Variants in ZNF622 observed in about 807,000 individuals in gnomAD.
ZNF622 encodes zinc finger protein 622.
Under a neutral mutation model 49.7 loss-of-function variants are expected in ZNF622, and 34 were observed. The observed-to-expected ratio is 0.68, with a 90% confidence interval of 0.52 to 0.91. ZNF622 has a LOEUF of 0.91. Among genes scored for constraint, ZNF622 ranks in the 40% least tolerant of loss-of-function variants. The probability of loss-of-function intolerance (pLI) is 0.00; values close to 1 mark genes in which losing one functional copy is unlikely to be tolerated. For synonymous variants in ZNF622, 209 were observed against 228.7 expected, an observed-to-expected ratio of 0.91 and a Z score of 0.78; for missense variants, 569 against 616.4, an observed-to-expected ratio of 0.92 and a Z score of 0.81.
At chr5:16,456,506 C>T (rs1232268390) in intron 4 of ZNF622, among the ~76,000 whole-genome samples, 2 of 152,176 alleles carry the variant, frequency 1.3e-5, no homozygotes, top group African/African-American at 4.8e-5. Flanking sequence ...AGTGTCCCAG[C>T]AGCAGGGGAG....
Position 16,463,469 on chromosome 5 carries a change from C to T in ZNF622, c.886+13G>A. The T allele has an allele frequency of 6.2e-7, 1 of 1,606,008 alleles. No individual in the cohort carries two copies. Reference sequence around the variant, plus strand: ...GATTATTTCCTCATTAAAAGGAAAACTATTGTACTTACCCAAGTATTTAAT... The same window carrying T: ...GATTATTTCCTCATTAAAAGGAAAATTATTGTACTTACCCAAGTATTTAAT... On this transcript the variant is annotated intron_variant, in intron 2 of 5. Coordinates refer to ENST00000308683, the MANE Select transcript of ZNF622 (RefSeq NM_033414.3). This position sits in a 1 kb window ranked among gnomAD's most constrained non-coding sequence, Gnocchi z 4.2.
chr5:16,455,996 T>A (rs1378254148), intron 4 of ZNF622, among the ~76,000 whole-genome samples: 1 of 152,210 alleles, frequency 6.6e-6, no homozygotes, highest in African/African-American at 2.4e-5. Context: ...GACTGCCCAA[T>A]AAATAAGGGA....
Position 16,465,541 on chromosome 5 carries a change from A to T in ZNF622, c.125T>A (p.Val42Glu). 1 of 1,613,922 alleles carries T rather than the reference A, an allele frequency of 6.2e-7. No individual in the cohort carries two copies. The highest frequency in any genetic ancestry group is 8.5e-7 in the Non-Finnish European group (1 of 1,179,944). Residue 42 changes from valine to glutamate, a missense_variant, in exon 1 of 6, where the codon GTG becomes GAG. Physicochemically the swap from Val to Glu is moderately radical, Grantham distance 121. Coordinates refer to ENST00000308683, the MANE Select transcript of ZNF622 (RefSeq NM_033414.3). The surrounding 1 kb of genome is among the most constrained non-coding windows in gnomAD (Gnocchi z 6.2). ...LRRKVASMAP[V>E]TAEGFQERVR... is the part of the protein sequence containing the mutation. ...TCGCTCCTGGAAGCCCTCGGCGGTC[A>T]CTGGGGCCATGCTGGCCACCTTCCG...
rs192429418 is a variant in ZNF622 at position 16,455,119 on chromosome 5, C to A, written c.1163-1963G>T. On this transcript the variant is annotated intron_variant, in intron 4 of 5. Transcript: ENST00000308683. Reference sequence around the variant, plus strand: ...TTAACAACAGCATATACATAAGGCACGAAAAAGCCATTTCCACTGAAAATG... The same window carrying A: ...TTAACAACAGCATATACATAAGGCAAGAAAAAGCCATTTCCACTGAAAATG... 4.9e-3 allele frequency among the ~76,000 whole-genome samples: 740 copies of A among 152,218 alleles called. 9 individuals carry two copies. The highest frequency in any genetic ancestry group is 0.017 in the African/African-American group (707 of 41,522).
At chr5:16,460,828 C>T (rs39931) in intron 3 of ZNF622, among the ~76,000 whole-genome samples, 121,564 of 152,198 alleles carry the variant, frequency 0.8, 48,824 homozygotes, top group African/African-American at 0.9. Context: ...AATACATCAT[C>T]TGGACTAAGG....
At position 16,465,007 on chromosome 5, in the gene ZNF622, C is replaced by T; in HGVS notation, c.625+34G>A. 1 of 1,533,940 alleles carries T rather than the reference C, an allele frequency of 6.5e-7. No homozygotes were observed. Among genetic ancestry groups the T allele is most frequent in the Non-Finnish European group, 8.8e-7 (1 of 1,142,376 alleles). ...GGAAACTTAAGGGTGGGCCAAGTTCCTCTTTACCCTCCCCGCCCAGACAGG... is the reference window on the plus strand; with the variant it reads ...GGAAACTTAAGGGTGGGCCAAGTTCTTCTTTACCCTCCCCGCCCAGACAGG... On this transcript the variant is annotated intron_variant, in intron 1 of 5. Coordinates refer to ENST00000308683, the MANE Select transcript of ZNF622 (RefSeq NM_033414.3). The surrounding 1 kb of genome is among the most constrained non-coding windows in gnomAD (Gnocchi z 6.2).
intron 3 of ZNF622, among the ~76,000 whole-genome samples, chr5:16,462,694 G>C (rs768640365): frequency 1.4e-4 from 22 of 152,070 alleles, no homozygotes; most frequent in Non-Finnish European, 3.2e-4. Flanking sequence ...CCACCAATGG[G>C]GTAATCTCAC....
intron 3 of ZNF622, among the ~76,000 whole-genome samples, chr5:16,461,873 G>C (rs1292578339): frequency 6.6e-6 from 1 of 152,170 alleles, no homozygotes; most frequent in Non-Finnish European, 1.5e-5. Context: ...AGACTGGGTA[G>C]GATTCTGAAT....
At position 16,465,228 on chromosome 5, in the gene ZNF622, C is replaced by A. The variant is rs80022733; in HGVS notation, c.438G>T (p.Lys146Asn). Residue 146 changes from lysine to asparagine, a missense_variant, in exon 1 of 6, where the codon AAG becomes AAT. Physicochemically the swap from Lys to Asn is moderately conservative, Grantham distance 94. Transcript: ENST00000308683. The surrounding 1 kb of genome is among the most constrained non-coding windows in gnomAD (Gnocchi z 6.2). ...CCTCCTTTGCAGGCGCTGGGGGCGC[C>A]TTCTTGGGAGACATGGACGGCTGGG... The part of the protein sequence containing the change: ...IKAQPSMSPK[K>N]APPAPAKEAR... 1.2e-6 allele frequency: 2 copies of A among 1,614,208 alleles called. No homozygotes were observed. The highest frequency in any genetic ancestry group is 2.7e-5 in the African/African-American group (2 of 75,048).
chr5:16,455,537 A>G (rs1738012108), intron 4 of ZNF622, among the ~76,000 whole-genome samples: 2 of 152,220 alleles, frequency 1.3e-5, no homozygotes, highest in African/African-American at 2.4e-5. Flanking sequence ...TTTTGACAGC[A>G]TAAGAGTTAA....
intron 4 of ZNF622, among the ~76,000 whole-genome samples, chr5:16,453,900 T>G (rs951679968): frequency 3.3e-4 from 50 of 152,164 alleles, no homozygotes; most frequent in African/African-American, 1.1e-3. Flanking sequence ...ATGTCAATAG[T>G]GCCAAGGCTG....
intron 4 of ZNF622, among the ~76,000 whole-genome samples, chr5:16,453,559 T>TTATATATATATATATATA (rs58965299): frequency 1.5e-5 from 1 of 67,172 alleles, no homozygotes; most frequent in African/African-American, 4.3e-5. Flanking sequence ...TAAATAAAAA[T>TTATATATATATATATATA]TATATATATA....
chr5:16,463,864 G>A lies in ZNF622; in HGVS notation c.626-122C>T. 2.0e-6 allele frequency: 2 copies of A among 1,003,502 alleles called. No homozygotes were observed. The highest frequency in any genetic ancestry group is 1.6e-5 in the South Asian group (1 of 63,344). The allele number at this position is 1,003,502 out of a possible 1,614,324, so 62.2% of individuals were successfully genotyped here. On this transcript the variant is annotated intron_variant, in intron 1 of 5. Coordinates refer to ENST00000308683, the MANE Select transcript of ZNF622 (RefSeq NM_033414.3). This position sits in a 1 kb window ranked among gnomAD's most constrained non-coding sequence, Gnocchi z 4.2. ...GAAACAGCCACACCCCAACTCCCAA[G>A]GACAACTCCTCTTTCAAGATCTCAA...
chr5:16,461,315 G>A (rs1336686581), intron 3 of ZNF622, among the ~76,000 whole-genome samples: 1 of 152,250 alleles, frequency 6.6e-6, no homozygotes, highest in African/African-American at 2.4e-5. Flanking sequence ...TTTACTTTGA[G>A]TAAGATAGGT....
At chr5:16,457,601 G>GAT (rs1194847166) in intron 4 of ZNF622, among the ~76,000 whole-genome samples, 1 of 152,186 alleles carries the variant, frequency 6.6e-6, no homozygotes, top group Non-Finnish European at 1.5e-5. Context: ...CTGAGCTAAA[G>GAT]ATAGTCATCT....
In ZNF622 at chr5:16,465,037, T is replaced by G; in HGVS notation, c.625+4A>C. 1 of 1,571,526 alleles carries G rather than the reference T, an allele frequency of 6.4e-7. No individual in the cohort carries two copies. Among genetic ancestry groups the G allele is most frequent in the Non-Finnish European group, 8.6e-7 (1 of 1,159,216 alleles). ...TACCCTCCCCGCCCAGACAGGGCCA[T>G]CACCGTCTCCATCCAGGTCCTCTTC... On this transcript the variant is annotated splice_donor_region_variant and intron_variant, in intron 1 of 5. Coordinates refer to ENST00000308683, the MANE Select transcript of ZNF622 (RefSeq NM_033414.3). This position sits in a 1 kb window ranked among gnomAD's most constrained non-coding sequence, Gnocchi z 6.2.
At position 16,465,714 on chromosome 5, in the gene ZNF622, C is replaced by T. The variant is rs764661965; in HGVS notation, c.-49G>A. ...ACCAAGCCAAACACCTGGTGATCAG[C>T]GCCGTGGCCCCACAAGACCCTCAGA... On this transcript the variant is annotated 5_prime_UTR_variant, in exon 1 of 6. Coordinates refer to ENST00000308683, the MANE Select transcript of ZNF622 (RefSeq NM_033414.3). This position sits in a 1 kb window ranked among gnomAD's most constrained non-coding sequence, Gnocchi z 6.2. The T allele has an allele frequency of 5.9e-6, 9 of 1,522,490 alleles. No homozygotes were observed. The Admixed American group carries it at 2.0e-4, about 33-fold the overall frequency. The allele number at this position is 1,522,490 out of a possible 1,614,324, so 94.3% of individuals were successfully genotyped here. A position where few individuals can be genotyped will look rare whatever the true frequency, so the allele number is the denominator to read the frequency against.
chr5:16,462,252 G>A (rs1394137584), intron 3 of ZNF622, among the ~76,000 whole-genome samples: 1 of 152,180 alleles, frequency 6.6e-6, no homozygotes, highest in African/African-American at 2.4e-5. Context: ...ATGCATGCCT[G>A]GCATGGTAAT....
At chr5:16,455,969 T>G (rs370910334) in intron 4 of ZNF622, among the ~76,000 whole-genome samples, 84 of 152,306 alleles carry the variant, frequency 5.5e-4, no homozygotes, top group African/African-American at 1.9e-3. Flanking sequence ...GGAAAAGTAT[T>G]TTCTAGAACA....
Sources: allele counts gnomAD v4.1 joint callset (sites outside exome capture counted in the v4.1 genomes callset), GRCh38; gene constraint gnomAD v4.1.1; non-coding constraint Gnocchi (gnomAD v3.1); transcripts MANE v1.5; gene names NCBI Gene and HGNC (gene_info 2026-07-23, HGNC 2026-07-21).